Variants in GORAB observed in about 807,000 individuals in gnomAD.
The protein encoded by GORAB is RAB6-interacting golgin.
Under a neutral mutation model 29.9 loss-of-function variants are expected in GORAB, and 17 were observed. That is an observed-to-expected ratio of 0.57 (90% CI 0.39 to 0.85). The LOEUF is 0.85. GORAB is among the 40% of genes least tolerant of loss of function. The pLI, the probability that GORAB is intolerant of heterozygous loss-of-function variation, is 0.00. For synonymous variants in GORAB, 183 were observed against 157.2 expected, an observed-to-expected ratio of 1.16 and a Z score of -1.23; for missense variants, 442 against 437.8, an observed-to-expected ratio of 1.01 and a Z score of -0.09.
chr1:170,542,371 A>C (rs897731878), intron 2 of GORAB, 120 bp from the exon 3 acceptor site: 1 of 660,182 alleles, frequency 1.5e-6, no homozygotes, highest in East Asian at 2.8e-5. Flanking sequence ...GAAAGAACAT[A>C]TACATAAATC....
chr1:170,546,394 A>T (rs1299113428), intron 4 of GORAB, among the ~76,000 whole-genome samples: 1 of 152,142 alleles, frequency 6.6e-6, no homozygotes, highest in Non-Finnish European at 1.5e-5. Context: ...CGTCTCAAAA[A>T]AAAAAAAGAA....
At chr1:170,542,464 C>A in intron 2 of GORAB, 27 bp from the exon 3 acceptor site, 2 of 1,449,542 alleles carry the variant, frequency 1.4e-6, no homozygotes, top group South Asian at 1.1e-5. Flanking sequence ...TTCATAAACT[C>A]ATTTTTATGC....
chr1:170,540,778 G>A lies in GORAB; in HGVS notation c.419+1211G>A, dbSNP rs143658995. On this transcript the variant is annotated intron_variant, in intron 2 of 4. Transcript: ENST00000367763. Reference sequence around the variant, plus strand: ...AGACCTGTAACCTCAAACCATTCACGTAAAGGAGAAATTTTGAGGTTTTAA... The same window carrying A: ...AGACCTGTAACCTCAAACCATTCACATAAAGGAGAAATTTTGAGGTTTTAA... Among the ~76,000 whole-genome samples, 751 of 152,258 alleles carry A rather than the reference G, an allele frequency of 4.9e-3. 2 individuals carry two copies. The highest frequency in any genetic ancestry group is 0.031 in the Middle Eastern group (9 of 294).
Position 170,539,300 on chromosome 1 carries a change from T to G in GORAB, c.152T>G (p.Leu51Arg). 2 of 1,614,166 alleles carry G rather than the reference T, an allele frequency of 1.2e-6. No homozygotes were observed. Residue 51 changes from leucine to arginine, a missense_variant, in exon 2 of 5, where the codon CTT becomes CGT. Leu to Arg is a moderately radical substitution (Grantham distance 102). Transcript: ENST00000367763. ...EKALVEQSQK[L>R]GLQDGSTSLL... ...GCCCTTGTAGAGCAAAGCCAAAAAC[T>G]TGGGCTTCAAGATGGATCAACCTCA...
intron 4 of GORAB, chr1:170,545,426 T>G: frequency 1.0e-6 from 1 of 955,322 alleles, no homozygotes; most frequent in Non-Finnish European, 1.2e-6. Context: ...TAATATATGT[T>G]TCCTTGGTTT....
At position 170,539,286 on chromosome 1, in the gene GORAB, G is replaced by A. The variant is rs770230615; in HGVS notation, c.138G>A (p.Glu46=). The A allele has an allele frequency of 1.4e-5, 23 of 1,614,152 alleles. No homozygotes were observed. The South Asian group carries it at 2.3e-4, about 16-fold the overall frequency. ...TTCAGCGAGAAAAAGCCCTTGTAGAGCAAAGCCAAAAACTTGGGCTTCAAG... is the reference window on the plus strand; with the variant it reads ...TTCAGCGAGAAAAAGCCCTTGTAGAACAAAGCCAAAAACTTGGGCTTCAAG... ...QQLQREKALV[E]QSQKLGLQDG... is the part of the protein sequence containing the mutation. Residue 46 remains glutamate, a synonymous_variant, in exon 2 of 5, where the codon GAG becomes GAA. Transcript: ENST00000367763.
At chr1:170,540,669 A>G (rs1401583983) in intron 2 of GORAB, among the ~76,000 whole-genome samples, 2 of 152,352 alleles carry the variant, frequency 1.3e-5, no homozygotes, top group South Asian at 4.1e-4. Context: ...ATAGGAGGTA[A>G]GTTTACATTG....
chr1:170,542,385 T>A (rs1649486776), intron 2 of GORAB, 106 bp from the exon 3 acceptor site: 1 of 700,562 alleles, frequency 1.4e-6, no homozygotes, highest in African/African-American at 1.8e-5. Flanking sequence ...ATAAATCTTC[T>A]TGATTAAATT....
At chr1:170,536,919 G>T (rs1485149211) in intron 1 of GORAB, among the ~76,000 whole-genome samples, 1 of 152,170 alleles carries the variant, frequency 6.6e-6, no homozygotes, top group Non-Finnish European at 1.5e-5. Flanking sequence ...ATCAACATAT[G>T]ATTCAAATGA....
chr1:170,544,279 T>G (rs1295256917), intron 3 of GORAB, among the ~76,000 whole-genome samples: 5 of 152,140 alleles, frequency 3.3e-5, no homozygotes, highest in African/African-American at 7.2e-5. Context: ...AGAGGTGTGG[T>G]TTAGTATAGA....
At chr1:170,538,996 G>A (rs1649222306) in intron 1 of GORAB, 2 of 589,544 alleles carry the variant, frequency 3.4e-6, no homozygotes, top group Non-Finnish European at 5.9e-6. Context: ...TTAAGAGATG[G>A]GGCAGTTTCT....
At position 170,532,281 on chromosome 1, in the gene GORAB, A is replaced by G; in HGVS notation, c.58A>G (p.Lys20Glu). ...EEELRRLKQT[K>E]DPFEPQRRLP... ...GGAACTGAGGAGACTAAAGCAGACT[A>G]AAGGTTACAAGATGGGTTTACAGTG... The change falls in exon 1 of 5, where the codon AAA (lysine) becomes GAA (glutamate). Residue 20 changes from lysine to glutamate, a missense_variant. Coordinates refer to ENST00000367763, the MANE Select transcript of GORAB (RefSeq NM_152281.3). The G allele has an allele frequency of 6.2e-7, 1 of 1,614,044 alleles. No individual in the cohort carries two copies. Among genetic ancestry groups the G allele is most frequent in the South Asian group, 1.1e-5 (1 of 91,072 alleles).
rs937255547 is a variant in GORAB, at chr1:170,532,402, C to A, written c.61+118C>A. The A allele has an allele frequency of 1.4e-5, 16 of 1,123,984 alleles. No individual in the cohort carries two copies. In the African/African-American group the frequency reaches 2.1e-4, roughly 15 times the overall value. 69.6% of individuals were successfully genotyped at this position (1,123,984 alleles called of 1,614,324 possible). A position where few individuals can be genotyped will look rare whatever the true frequency, so the allele number is the denominator to read the frequency against. On this transcript the variant is annotated intron_variant, in intron 1 of 4. Transcript: ENST00000367763. ...GCTACGTTTGTGTTAGCGGAAGGCG[C>A]TGTAAGTACGTGGACTGGATTAGGG...
chr1:170,533,363 G>A, intron 1 of GORAB: 1 of 264,252 alleles, frequency 3.8e-6, no homozygotes, highest in East Asian at 7.7e-5. Flanking sequence ...TATCATAAAG[G>A]TTAGGCTAAG....
chr1:170,541,110 A>G (rs189025106), intron 2 of GORAB, among the ~76,000 whole-genome samples: 1 of 151,456 alleles, frequency 6.6e-6, no homozygotes, highest in African/African-American at 2.4e-5. Context: ...AGACTGAGGC[A>G]CAAGAATTGC....
intron 4 of GORAB, 106 bp downstream of exon 4, chr1:170,544,951 A>C: frequency 6.6e-7 from 1 of 1,516,414 alleles, no homozygotes; most frequent in East Asian, 2.3e-5. Context: ...CCTCAAAACA[A>C]CCCCATTCAG....
At position 170,539,221 on chromosome 1, in the gene GORAB, C is replaced by G; in HGVS notation, c.73C>G (p.Pro25Ala). The change falls in exon 2 of 5, where the codon CCA becomes GCA. Residue 25 changes from proline to alanine, a missense_variant. Pro to Ala is a conservative substitution (Grantham distance 27, BLOSUM62 -1). Coordinates refer to ENST00000367763, the MANE Select transcript of GORAB (RefSeq NM_152281.3). ...TTTCTTTTACATAGATCCATTTGAA[C>G]CACAGCGACGTCTCCCCGCGAAGAA... Reference protein sequence around the residue: ...RLKQTKDPFEPQRRLPAKKSR... With the variant: ...RLKQTKDPFEAQRRLPAKKSR... The G allele has an allele frequency of 6.2e-7, 1 of 1,614,090 alleles. No individual in the cohort carries two copies. The highest frequency in any genetic ancestry group is 8.5e-7 in the Non-Finnish European group (1 of 1,179,990).
intron 1 of GORAB, among the ~76,000 whole-genome samples, chr1:170,534,260 A>G (rs1211185632): frequency 2.6e-5 from 4 of 152,208 alleles, no homozygotes; most frequent in African/African-American, 9.6e-5. Flanking sequence ...ATGTTTGTTA[A>G]TACAGTATAT....
At chr1:170,547,675 G>A (rs1379859886) in intron 4 of GORAB, among the ~76,000 whole-genome samples, 1 of 152,112 alleles carries the variant, frequency 6.6e-6, no homozygotes, top group Non-Finnish European at 1.5e-5. Context: ...AAGGGATTGT[G>A]TAAAACAACT....
Sources: gnomAD v4.1 joint callset for allele counts (sites outside exome capture counted in the v4.1 genomes callset) on GRCh38, gnomAD v4.1.1 for gene constraint, MANE v1.5 for transcripts, NCBI Gene and HGNC (gene_info 2026-07-23, HGNC 2026-07-21) for gene names.